The following ROBO2 variants were observed in gnomAD, a reference collection of about 807,000 sequenced individuals.
ROBO2 encodes roundabout homolog 2.
In ROBO2, 53 loss-of-function variants were observed where a neutral mutation model predicts 160.8. The ratio of observed to expected loss-of-function variants is 0.33; its 90% CI spans 0.26 to 0.41. The LOEUF (loss-of-function observed/expected upper bound fraction) is 0.41. ROBO2 is among the 10% of genes least tolerant of loss of function. The pLI is 1.00. For missense variants in ROBO2, 1,577 were observed against 1,722.4 expected, an observed-to-expected ratio of 0.92 and a Z score of 1.49; for synonymous variants, 664 against 611.7, an observed-to-expected ratio of 1.09 and a Z score of -1.26.
At chr3:77,156,774 A>G (rs548390225) in intron 2 of ROBO2, among the ~76,000 whole-genome samples, 51 of 150,360 alleles carry the variant, frequency 3.4e-4, no homozygotes, top group Admixed American at 9.3e-4. Context: ...TTATTAGAAT[A>G]TATAAAAATA....
At chr3:76,984,979 C>T (rs2060293962) in intron 2 of ROBO2, among the ~76,000 whole-genome samples, 1 of 151,838 alleles carries the variant, frequency 6.6e-6, no homozygotes, top group South Asian at 2.1e-4. Flanking sequence ...ATAATGAATT[C>T]AGAATTATTG....
intron 13 of ROBO2, among the ~76,000 whole-genome samples, chr3:77,569,668 A>G (rs990385173): frequency 1.3e-5 from 2 of 152,028 alleles, no homozygotes; most frequent in Admixed American, 1.3e-4. Context: ...TAACCCTGTT[A>G]TGTATTTAAA....
intron 2 of ROBO2, among the ~76,000 whole-genome samples, chr3:76,332,143 G>T (rs1446356997): frequency 6.6e-6 from 1 of 152,180 alleles, no homozygotes; most frequent in Non-Finnish European, 1.5e-5. Context: ...GGCAAGGCTA[G>T]AAGTCACTTT....
At chr3:77,592,853 C>T (rs2153686120) in intron 17 of ROBO2, among the ~76,000 whole-genome samples, 1 of 152,164 alleles carries the variant, frequency 6.6e-6, no homozygotes, top group Non-Finnish European at 1.5e-5. Context: ...TGCCCGGCCT[C>T]ATGATATATT....
chr3:76,174,669 T>C (rs1388656066), intron 2 of ROBO2, among the ~76,000 whole-genome samples: 10 of 152,094 alleles, frequency 6.6e-5, no homozygotes, highest in Admixed American at 3.3e-4. Flanking sequence ...GATCAGATGG[T>C]TGTAGATGTG....
intron 2 of ROBO2, among the ~76,000 whole-genome samples, chr3:76,532,528 A>G (rs1384312610): frequency 6.6e-6 from 1 of 152,194 alleles, no homozygotes; most frequent in African/African-American, 2.4e-5. Flanking sequence ...CAAGAATGAT[A>G]CAGACAATTT....
At chr3:77,067,670 C>A (rs1559939405) in intron 1 of ROBO2, among the ~76,000 whole-genome samples, 1 of 152,044 alleles carries the variant, frequency 6.6e-6, no homozygotes, top group Non-Finnish European at 1.5e-5. Flanking sequence ...TTCATAAATT[C>A]TTTGATGAAA....
intron 2 of ROBO2, among the ~76,000 whole-genome samples, chr3:77,293,648 G>T (rs1166064570): frequency 1.4e-5 from 2 of 141,452 alleles, no homozygotes; most frequent in Non-Finnish European, 3.0e-5. Context: ...GCTGAGGCTA[G>T]ATCACCCAGA....
At chr3:77,083,869 AGGTGG>A (rs2068957934) in intron 1 of ROBO2, among the ~76,000 whole-genome samples, 1 of 152,104 alleles carries the variant, frequency 6.6e-6, no homozygotes, top group Non-Finnish European at 1.5e-5. Context: ...CTGAGCATTC[AGGTGG>A]TCACCCGAAC....
chr3:76,359,773 T>C (rs995927074), intron 2 of ROBO2, among the ~76,000 whole-genome samples: 1 of 151,616 alleles, frequency 6.6e-6, no homozygotes, highest in Non-Finnish European at 1.5e-5. Context: ...TAGCTATCTC[T>C]TTCCTTTACT....
chr3:77,470,617 A>G (rs543976471), intron 2 of ROBO2, among the ~76,000 whole-genome samples: 135 of 152,332 alleles, frequency 8.9e-4, no homozygotes, highest in African/African-American at 3.0e-3. Flanking sequence ...AAATAGATTA[A>G]AAGTGTCATT....
intron 8 of ROBO2, among the ~76,000 whole-genome samples, chr3:77,553,020 T>C (rs2092974203): frequency 6.6e-6 from 1 of 151,958 alleles, no homozygotes; most frequent in Non-Finnish European, 1.5e-5. Context: ...ATACCTTCCT[T>C]TGTTGTACTT....
intron 2 of ROBO2, among the ~76,000 whole-genome samples, chr3:76,328,751 C>T (rs569954842): frequency 6.6e-6 from 1 of 151,762 alleles, no homozygotes; most frequent in African/African-American, 2.4e-5. Context: ...CTCAGCTACT[C>T]GGGAGGCTGA....
At chr3:76,533,086 C>A (rs973383951) in intron 2 of ROBO2, among the ~76,000 whole-genome samples, 12 of 152,092 alleles carry the variant, frequency 7.9e-5, no homozygotes, top group African/African-American at 2.7e-4. Context: ...AGAGGGGAGG[C>A]TATTAAATAA....
intron 2 of ROBO2, among the ~76,000 whole-genome samples, chr3:76,872,083 T>C (rs2072160259): frequency 6.6e-6 from 1 of 152,176 alleles, no homozygotes; most frequent in Non-Finnish European, 1.5e-5. Context: ...ATAACAACTT[T>C]GCATTTTCTT....
intron 2 of ROBO2, among the ~76,000 whole-genome samples, chr3:76,141,104 A>C (rs2071626725): frequency 1.3e-5 from 1 of 74,686 alleles, no homozygotes; most frequent in Non-Finnish European, 2.6e-5. Flanking sequence ...GTTTATAGGT[A>C]TGAGCTACCA....
chr3:76,089,147 A>G (rs976254782), intron 2 of ROBO2, among the ~76,000 whole-genome samples: 4 of 152,068 alleles, frequency 2.6e-5, no homozygotes, highest in Admixed American at 6.6e-5. Context: ...AAAGAAACAC[A>G]ATTATAATAG....
At chr3:76,474,294 T>C (rs900583467) in intron 2 of ROBO2, among the ~76,000 whole-genome samples, 1 of 152,156 alleles carries the variant, frequency 6.6e-6, no homozygotes, top group African/African-American at 2.4e-5. Context: ...TATAGAGTTC[T>C]AGATTTATCT....
chr3:77,331,694 C>CTTATTTAT lies in ROBO2; in HGVS notation c.389-145707_389-145700dup, dbSNP rs34762129. Among the ~76,000 whole-genome samples the CTTATTTAT allele has an allele frequency of 4.0e-3, 608 of 150,262 alleles. 4 individuals carry two copies. Among genetic ancestry groups the CTTATTTAT allele is most frequent in the African/African-American group, 0.011 (447 of 41,074 alleles). On this transcript the variant is annotated intron_variant, in intron 2 of 25. Coordinates refer to ENST00000461745, the Ensembl canonical transcript of ROBO2. ...CAAGCTTGAAAGGCCTATTTATTTA[C>CTTATTTAT]TTATTTATTTATTTATTTATATATT... is the stretch of plus-strand genomic sequence containing the variant.
Sources: gnomAD v4.1 joint callset for allele counts (sites outside exome capture counted in the v4.1 genomes callset) on GRCh38, gnomAD v4.1.1 for gene constraint, MANE v1.5 for transcripts, NCBI Gene and HGNC (gene_info 2026-07-23, HGNC 2026-07-21) for gene names.